GRIA1: variants seen among roughly 807,000 people sequenced by gnomAD.
GRIA1 encodes glutamate ionotropic receptor AMPA type subunit 1, also known as glutamate receptor 1.
Under a neutral mutation model 99.2 loss-of-function variants are expected in GRIA1, and 31 were observed. The observed-to-expected ratio is 0.31, with a 90% confidence interval of 0.23 to 0.42. GRIA1 has a LOEUF of 0.42. GRIA1 is among the 10% of genes least tolerant of loss of function. GRIA1 has a pLI of 1.00. For synonymous variants in GRIA1, 438 were observed against 432.4 expected (o/e 1.01, Z -0.16); for missense variants, 782 against 1,157.5 (o/e 0.68, Z 4.71).
chr5:153,702,133 T>C (rs1758574202), intron 10 of GRIA1, among the ~76,000 whole-genome samples: 1 of 152,226 alleles, frequency 6.6e-6, no homozygotes, highest in Non-Finnish European at 1.5e-5. Context: ...TGGGACATAC[T>C]GCCTCTGTAG....
intron 10 of GRIA1, 62 bp downstream of exon 10, chr5:153,699,135 T>A (rs1758328379): frequency 8.1e-7 from 1 of 1,231,364 alleles, no homozygotes; most frequent in Non-Finnish European, 1.2e-6. Context: ...AGGAAATCAT[T>A]TGGTGGTTGG....
intron 11 of GRIA1, among the ~76,000 whole-genome samples, chr5:153,752,787 T>TA: frequency 6.6e-6 from 1 of 152,202 alleles, no homozygotes; most frequent in East Asian, 1.9e-4. Flanking sequence ...TATGTAATGC[T>TA]ATGAAGAGAT....
chr5:153,544,458 C>T (rs1317909098), intron 2 of GRIA1, among the ~76,000 whole-genome samples: 1 of 152,124 alleles, frequency 6.6e-6, no homozygotes, highest in South Asian at 2.1e-4. Context: ...GGAGGTTCTC[C>T]CCACATCAAA....
At chr5:153,506,360 T>TGTGTGTGTGTG (rs1561593677) in intron 2 of GRIA1, among the ~76,000 whole-genome samples, 9 of 147,238 alleles carry the variant, frequency 6.1e-5, no homozygotes, top group South Asian at 4.4e-4. Flanking sequence ...TGTGTGTGTG[T>TGTGTGTGTGTG]TCATACATAT....
intron 7 of GRIA1, among the ~76,000 whole-genome samples, chr5:153,678,994 A>G (rs1366326703): frequency 1.3e-5 from 2 of 152,230 alleles, no homozygotes; most frequent in African/African-American, 2.4e-5. Flanking sequence ...CTTATGGTCT[A>G]ACCCATGTCC....
chr5:153,783,007 G>C (rs759406909), intron 13 of GRIA1, among the ~76,000 whole-genome samples: 3 of 152,112 alleles, frequency 2.0e-5, no homozygotes, highest in Non-Finnish European at 4.4e-5. Context: ...GAAGAGAGAG[G>C]GCCAGCAGGG....
chr5:153,650,264 T>C, intron 3 of GRIA1, 66 bp from the exon 4 acceptor site: 1 of 1,426,544 alleles, frequency 7.0e-7, no homozygotes, highest in Non-Finnish European at 9.7e-7. Context: ...AGGTGCCTGA[T>C]GGGAGTGGGT....
chr5:153,604,915 T>A, intron 2 of GRIA1, among the ~76,000 whole-genome samples: 1 of 151,852 alleles, frequency 6.6e-6, no homozygotes, highest in East Asian at 1.9e-4. Flanking sequence ...CTAAAATCAG[T>A]TTAAAAAGAG....
In GRIA1 at chr5:153,686,341, C is replaced by T; in HGVS notation, c.1134+12C>T. The T allele has an allele frequency of 6.3e-7, 1 of 1,595,832 alleles. No homozygotes were observed. The highest frequency in any genetic ancestry group is 8.6e-7 in the Non-Finnish European group (1 of 1,163,512). The stretch of plus-strand genomic sequence containing the variant: ...ACGGCATCCGAAAGGTAAGGTCCCC[C>T]TTTACTTCTGTTCTGCAGAGAGAAG... On this transcript the variant is annotated intron_variant, in intron 8 of 15. Coordinates refer to ENST00000285900, the MANE Select transcript of GRIA1 (RefSeq NM_000827.4).
At chr5:153,768,686 A>G (rs1763679985) in intron 12 of GRIA1, among the ~76,000 whole-genome samples, 1 of 152,204 alleles carries the variant, frequency 6.6e-6, no homozygotes, top group African/African-American at 2.4e-5. Context: ...GCTAATATCA[A>G]GGAAATAAAC....
At chr5:153,670,742 C>T (rs1357341218) in intron 5 of GRIA1, among the ~76,000 whole-genome samples, 1 of 151,756 alleles carries the variant, frequency 6.6e-6, no homozygotes, top group Non-Finnish European at 1.5e-5. Context: ...TGAGAGTTCC[C>T]CGGGGAACAG....
chr5:153,774,257 C>G (rs559042280), intron 13 of GRIA1, among the ~76,000 whole-genome samples: 1 of 152,196 alleles, frequency 6.6e-6, no homozygotes, highest in African/African-American at 2.4e-5. Context: ...GGAAACCATT[C>G]TGCATGACAG....
chr5:153,657,404 C>T (rs1007994797), intron 5 of GRIA1, among the ~76,000 whole-genome samples: 14 of 152,158 alleles, frequency 9.2e-5, no homozygotes, highest in African/African-American at 3.1e-4. Context: ...TGCAATTTTC[C>T]ATGTTTCCAT....
chr5:153,647,518 C>T (rs1754242803), intron 3 of GRIA1, among the ~76,000 whole-genome samples: 1 of 152,178 alleles, frequency 6.6e-6, no homozygotes, highest in African/African-American at 2.4e-5. Context: ...CAAACTCTCT[C>T]TGCCTCAATT....
chr5:153,737,443 C>T (rs1201282607), intron 11 of GRIA1, among the ~76,000 whole-genome samples: 2 of 152,008 alleles, frequency 1.3e-5, no homozygotes, highest in African/African-American at 2.4e-5. Flanking sequence ...TTGCCAATTA[C>T]TGTGTGATCC....
At chr5:153,782,863 T>C (rs1316514784) in intron 13 of GRIA1, among the ~76,000 whole-genome samples, 1 of 152,178 alleles carries the variant, frequency 6.6e-6, no homozygotes, top group Non-Finnish European at 1.5e-5. Context: ...TCTTTTTCAA[T>C]CTTTGTTGTT....
At chr5:153,737,919 C>T (rs1761501389) in intron 11 of GRIA1, among the ~76,000 whole-genome samples, 1 of 152,140 alleles carries the variant, frequency 6.6e-6, no homozygotes, top group Non-Finnish European at 1.5e-5. Context: ...CAGGGCCTAC[C>T]CCATTTCTTA....
In GRIA1 at chr5:153,641,393, C is replaced by T. The variant is rs116476871; in HGVS notation, c.221-5535C>T. ...TTATTGATACTAAGTGGATGGTGCC[C>T]TAACCAGGAGTGATTATCAAAGAGG... On this transcript the variant is annotated intron_variant, in intron 2 of 15. Transcript: ENST00000285900. 3.7e-3 allele frequency among the ~76,000 whole-genome samples: 571 copies of T among 152,274 alleles called. 4 individuals carry two copies. The highest frequency in any genetic ancestry group is 0.013 in the African/African-American group (549 of 41,566).
chr5:153,737,755 A>C (rs1232368300), intron 11 of GRIA1, among the ~76,000 whole-genome samples: 1 of 152,200 alleles, frequency 6.6e-6, no homozygotes, highest in African/African-American at 2.4e-5. Flanking sequence ...GCAAGCAAGC[A>C]TTATTCCTTC....
Sources: allele counts gnomAD v4.1 joint callset (sites outside exome capture counted in the v4.1 genomes callset), GRCh38; gene constraint gnomAD v4.1.1; transcripts MANE v1.5; gene names NCBI Gene and HGNC (gene_info 2026-07-23, HGNC 2026-07-21).